Variants in CSMD1 observed in about 807,000 individuals in gnomAD.
CSMD1 encodes the protein CUB and sushi domain-containing protein 1.
CSMD1 carries 213 observed loss-of-function variants against 417.5 expected under a neutral mutation model. The observed-to-expected ratio is 0.51, with a 90% confidence interval of 0.46 to 0.57. The LOEUF is 0.57. Among genes scored for constraint, CSMD1 ranks in the 20% least tolerant of loss-of-function variants. The pLI, the probability that CSMD1 is intolerant of heterozygous loss-of-function variation, is 0.00. For missense variants in CSMD1, 6,923 were observed against 4,529.7 expected (o/e 1.53, Z -15.17); for synonymous variants, 2,862 against 1,736.8 (o/e 1.65, Z -16.11).
At chr8:4,885,519 T>A (rs923511543) in intron 1 of CSMD1, among the ~76,000 whole-genome samples, 1 of 152,056 alleles carries the variant, frequency 6.6e-6, no homozygotes, top group African/African-American at 2.4e-5. Context: ...TAATTCTTGT[T>A]TGTTGATTTT....
In CSMD1 at chr8:4,478,813, T is replaced by A. The variant is rs188921621; in HGVS notation, c.303-58748A>T. ...AAATATTTAAATATTCTTTGGAGAA[T>A]AGTTTCAACATATTTCATATGCTTT... On this transcript the variant is annotated intron_variant, in intron 2 of 69. Transcript: ENST00000635120. Among the ~76,000 whole-genome samples the A allele has an allele frequency of 7.4e-3, 1,128 of 152,338 alleles. 14 individuals carry two copies. The highest frequency in any genetic ancestry group is 0.025 in the African/African-American group (1,046 of 41,582).
At chr8:3,892,820 C>T (rs141482827) in intron 5 of CSMD1, among the ~76,000 whole-genome samples, 15 of 149,196 alleles carry the variant, frequency 1.0e-4, no homozygotes, top group Admixed American at 2.7e-4. Context: ...TGAGCCATGA[C>T]GCCCAAGTGC....
At chr8:4,413,535 G>C (rs541486333) in intron 3 of CSMD1, among the ~76,000 whole-genome samples, 17 of 152,194 alleles carry the variant, frequency 1.1e-4, no homozygotes, top group Admixed American at 6.5e-5. Context: ...TAGTGTTCAT[G>C]TACTGACAGC....
intron 7 of CSMD1, among the ~76,000 whole-genome samples, chr8:3,676,533 T>C (rs1387288962): frequency 6.6e-6 from 1 of 152,230 alleles, no homozygotes; most frequent in Non-Finnish European, 1.5e-5. Context: ...AGATCTTAAA[T>C]ATATCCGAAT....
intron 1 of CSMD1, among the ~76,000 whole-genome samples, chr8:4,642,200 G>C (rs1803236313): frequency 6.6e-6 from 1 of 152,172 alleles, no homozygotes; most frequent in South Asian, 2.1e-4. Context: ...GAGCCATGGA[G>C]TTGATGGTTG....
intron 5 of CSMD1, among the ~76,000 whole-genome samples, chr8:3,946,390 G>C (rs566603478): frequency 1.3e-4 from 19 of 151,970 alleles, no homozygotes; most frequent in African/African-American, 4.4e-4. Flanking sequence ...GGATTTTCTC[G>C]TCTATACCAT....
At chr8:4,017,936 T>G (rs1016556417) in intron 4 of CSMD1, among the ~76,000 whole-genome samples, 3 of 152,162 alleles carry the variant, frequency 2.0e-5, no homozygotes, top group African/African-American at 7.2e-5. Flanking sequence ...ATAAAGCTGG[T>G]TGCACACAAT....
intron 37 of CSMD1, among the ~76,000 whole-genome samples, chr8:3,165,083 C>G (rs1343887324): frequency 2.0e-5 from 3 of 151,834 alleles, no homozygotes; most frequent in Non-Finnish European, 2.9e-5. Flanking sequence ...TTAACATGGC[C>G]AGACTCAGGA....
intron 1 of CSMD1, among the ~76,000 whole-genome samples, chr8:4,896,486 C>G (rs983789043): frequency 8.5e-5 from 13 of 152,086 alleles, no homozygotes; most frequent in African/African-American, 3.1e-4. Flanking sequence ...GAAACTCTGT[C>G]TCTAAAATTT....
At chr8:4,741,968 G>A (rs1005105183) in intron 1 of CSMD1, among the ~76,000 whole-genome samples, 1 of 138,462 alleles carries the variant, frequency 7.2e-6, no homozygotes, top group African/African-American at 2.7e-5. Context: ...AGAGAAGCTG[G>A]GACTATAGGT....
At chr8:3,528,526 A>G (rs2117494358) in intron 10 of CSMD1, among the ~76,000 whole-genome samples, 1 of 152,306 alleles carries the variant, frequency 6.6e-6, no homozygotes, top group East Asian at 1.9e-4. Flanking sequence ...CTTCCTGATA[A>G]TCACATCTCA....
At chr8:4,596,944 C>T (rs1800313772) in intron 2 of CSMD1, among the ~76,000 whole-genome samples, 1 of 152,170 alleles carries the variant, frequency 6.6e-6, no homozygotes, top group Non-Finnish European at 1.5e-5. Flanking sequence ...TTTGTTTCTT[C>T]CTCATTTTCT....
chr8:4,823,493 G>C (rs1468218451), intron 1 of CSMD1, among the ~76,000 whole-genome samples: 1 of 151,928 alleles, frequency 6.6e-6, no homozygotes, highest in African/African-American at 2.4e-5. Flanking sequence ...ATAGAATAAT[G>C]CATATAAACT....
chr8:3,677,980 G>A (rs934141749), intron 7 of CSMD1, among the ~76,000 whole-genome samples: 1 of 152,228 alleles, frequency 6.6e-6, no homozygotes, highest in East Asian at 1.9e-4. Flanking sequence ...TTGGTGCAGG[G>A]ACTCACAGCC....
intron 5 of CSMD1, among the ~76,000 whole-genome samples, chr8:3,848,886 G>A (rs1803689392): frequency 1.3e-5 from 2 of 151,196 alleles, no homozygotes; most frequent in Non-Finnish European, 2.9e-5. Context: ...GCTAAAGAGT[G>A]ATATAAAGAA....
At position 3,080,061 on chromosome 8, in the gene CSMD1, A is replaced by G. The variant is rs996172573; in HGVS notation, c.7474+7036T>C. On this transcript the variant is annotated intron_variant, in intron 49 of 69. Transcript: ENST00000635120. The stretch of plus-strand genomic sequence containing the variant: ...TTTTGTACTCTTTGTTGCCTGCAAA[A>G]TGCTAGCAAATCATAAATAAACAAT... Among the ~76,000 whole-genome samples the G allele has an allele frequency of 5.9e-5, 9 of 152,272 alleles. No homozygotes were observed. The East Asian group carries it at 1.7e-3, about 29-fold the overall frequency.
intron 2 of CSMD1, among the ~76,000 whole-genome samples, chr8:4,435,796 G>T (rs1439521610): frequency 6.6e-6 from 1 of 152,200 alleles, no homozygotes; most frequent in Admixed American, 6.5e-5. Flanking sequence ...GACAATAGAA[G>T]ACAGACCGTG....
chr8:3,890,824 TTAAATA>T (rs1806923140), intron 5 of CSMD1, among the ~76,000 whole-genome samples: 1 of 152,078 alleles, frequency 6.6e-6, no homozygotes, highest in South Asian at 2.1e-4. Flanking sequence ...TAATATCTGT[TTAAATA>T]AAATGCTCAT....
chr8:4,121,630 A>C (rs1329455750), intron 3 of CSMD1, among the ~76,000 whole-genome samples: 1 of 152,260 alleles, frequency 6.6e-6, no homozygotes, highest in South Asian at 2.1e-4. Flanking sequence ...TAAAAAAAAA[A>C]AAAAGAAGTG....
Sources: gnomAD v4.1 joint callset for allele counts (sites outside exome capture counted in the v4.1 genomes callset) on GRCh38, gnomAD v4.1.1 for gene constraint, MANE v1.5 for transcripts, NCBI Gene and HGNC (gene_info 2026-07-23, HGNC 2026-07-21) for gene names.